Variants in NEXMIF observed in about 807,000 individuals in gnomAD.
NEXMIF encodes the protein XLMR protein related to neurite extension.
Under a neutral mutation model 62.1 loss-of-function variants are expected in NEXMIF, and 8 were observed. The observed-to-expected ratio is 0.13, with a 90% CI of 0.08 to 0.23. The LOEUF (loss-of-function observed/expected upper bound fraction) is 0.23. Among genes scored for constraint, NEXMIF ranks in the 10% least tolerant of loss-of-function variants. The probability of loss-of-function intolerance (pLI) is 1.00; values close to 1 mark genes in which losing one functional copy is unlikely to be tolerated. For synonymous variants in NEXMIF, 404 were observed against 416.6 expected, an observed-to-expected ratio of 0.97 and a Z score of 0.37; for missense variants, 976 against 1,113.3, an observed-to-expected ratio of 0.88 and a Z score of 1.75.
chrX:74,805,343 C>A lies in NEXMIF; in HGVS notation c.-47-59646G>T, dbSNP rs184003947. On this transcript the variant is annotated intron_variant, in intron 1 of 3. Coordinates refer to ENST00000055682, the MANE Select transcript of NEXMIF (RefSeq NM_001008537.3). ...GCTATCTTGCTCCACCCCTCCCTTG[C>A]CCACTTTTTAATGGGTTATTTGCTT... 3.2e-3 allele frequency among the ~76,000 whole-genome samples: 354 copies of A among 111,600 alleles called. 2 individuals carry two copies. The highest frequency in any genetic ancestry group is 0.011 in the African/African-American group (337 of 30,714).
intron 1 of NEXMIF, among the ~76,000 whole-genome samples, chrX:74,872,076 C>T (rs1044291266): frequency 1.8e-5 from 2 of 111,494 alleles, no homozygotes; most frequent in African/African-American, 6.5e-5. Flanking sequence ...GCAGTAAAGA[C>T]AGGCCTAAGA....
At chrX:74,763,029 A>G (rs1202889473) in intron 1 of NEXMIF, among the ~76,000 whole-genome samples, 9 of 111,739 alleles carry the variant, frequency 8.1e-5, no homozygotes, top group Non-Finnish European at 1.1e-4. Context: ...TTTTAGACAT[A>G]AAGTCCTTGC....
At chrX:74,755,562 A>C (rs1305782510) in intron 1 of NEXMIF, among the ~76,000 whole-genome samples, 1 of 111,582 alleles carries the variant, frequency 9.0e-6, no homozygotes, top group Non-Finnish European at 1.9e-5. Flanking sequence ...CTTGGGCCCT[A>C]CAGGAAAAAT....
rs2080082365 is a variant in NEXMIF, at chrX:74,735,316, C to A, written c.*4089G>T. The A allele has an allele frequency of 8.9e-6, 1 of 111,908 alleles. No individual in the cohort carries two copies. Among genetic ancestry groups the A allele is most frequent in the African/African-American group, 3.2e-5 (1 of 30,776 alleles). 9.2% of individuals were successfully genotyped at this position (111,908 alleles called of 1,213,427 possible). ...ACTTAGCTCTCTTCAATTCTTGGAACTGTTCTGAGAGCATCTGTAAGCTGA... is the reference window on the plus strand; with the variant it reads ...ACTTAGCTCTCTTCAATTCTTGGAAATGTTCTGAGAGCATCTGTAAGCTGA... On this transcript the variant is annotated 3_prime_UTR_variant, in exon 4 of 4. Transcript: ENST00000055682.
intron 1 of NEXMIF, among the ~76,000 whole-genome samples, chrX:74,872,949 T>C (rs2080609115): frequency 9.0e-6 from 1 of 110,526 alleles, no homozygotes; most frequent in African/African-American, 3.3e-5. Flanking sequence ...TTTTTTTAGT[T>C]TTTATTTTTT....
At chrX:74,894,084 G>C (rs113987614) in intron 1 of NEXMIF, among the ~76,000 whole-genome samples, 8,972 of 110,015 alleles carry the variant, frequency 0.082, 931 homozygotes, top group African/African-American at 0.28. Context: ...TTGAGTCCAG[G>C]AGTTCAAGAC....
Position 74,765,577 on chromosome X carries a change from C to T in NEXMIF, c.-47-19880G>A, listed in dbSNP as rs1051005251. The stretch of plus-strand genomic sequence containing the variant: ...TTGGCTGGTAGCAGCCTTTCCTTTC[C>T]ATATTTAGTGCTCCTTTCAAGATCT... On this transcript the variant is annotated intron_variant, in intron 1 of 3. Coordinates refer to ENST00000055682, the MANE Select transcript of NEXMIF (RefSeq NM_001008537.3). Among the ~76,000 whole-genome samples the T allele has an allele frequency of 2.7e-5, 3 of 111,402 alleles. No individual in the cohort carries two copies. The South Asian group carries it at 1.1e-3, about 42-fold the overall frequency.
chrX:74,796,146 TA>T (rs1266175324), intron 1 of NEXMIF, among the ~76,000 whole-genome samples: 2 of 75,582 alleles, frequency 2.6e-5, no homozygotes, highest in African/African-American at 1.0e-4. Context: ...ATATATATTA[TA>T]TATATACATA....
chrX:74,884,715 C>G (rs1052765397), intron 1 of NEXMIF, among the ~76,000 whole-genome samples: 2 of 111,688 alleles, frequency 1.8e-5, no homozygotes, highest in Non-Finnish European at 3.8e-5. Context: ...TAACACCCCA[C>G]TGTCAACATT....
At chrX:74,909,898 G>T (rs1326186507) in intron 1 of NEXMIF, among the ~76,000 whole-genome samples, 1 of 112,515 alleles carries the variant, frequency 8.9e-6, no homozygotes, top group Non-Finnish European at 1.9e-5. Context: ...CTTCCACGTG[G>T]TGTTGAGCCT....
At chrX:74,787,503 C>T (rs1226529332) in intron 1 of NEXMIF, among the ~76,000 whole-genome samples, 1 of 111,276 alleles carries the variant, frequency 9.0e-6, no homozygotes, top group Non-Finnish European at 1.9e-5. Flanking sequence ...CACCTCAGGT[C>T]ATATCCTATG....
chrX:74,848,475 G>A (rs1161036503), intron 1 of NEXMIF, among the ~76,000 whole-genome samples: 1 of 112,525 alleles, frequency 8.9e-6, no homozygotes, highest in Non-Finnish European at 1.9e-5. Context: ...CAAAGTGTCA[G>A]TAGGTCTGTA....
intron 1 of NEXMIF, among the ~76,000 whole-genome samples, chrX:74,758,531 G>A (rs1028096109): frequency 1.8e-5 from 2 of 111,132 alleles, no homozygotes; most frequent in African/African-American, 6.6e-5. Flanking sequence ...GTACTTAATC[G>A]TTACTTTTTC....
At position 74,761,112 on chromosome X, in the gene NEXMIF, C is replaced by A. The variant is rs553051401; in HGVS notation, c.-47-15415G>T. On this transcript the variant is annotated intron_variant, in intron 1 of 3. Coordinates refer to ENST00000055682, the MANE Select transcript of NEXMIF (RefSeq NM_001008537.3). ...CGTGAGCTCCTGACCTCAAGTGATC[C>A]GCCCGCCTCGGCCTCCCAAAGTGCT... 2.0e-4 allele frequency among the ~76,000 whole-genome samples: 22 copies of A among 110,117 alleles called. 1 individual carries two copies. In the South Asian group the frequency reaches 8.5e-3, roughly 42 times the overall value.
intron 1 of NEXMIF, among the ~76,000 whole-genome samples, chrX:74,870,189 T>C (rs2080595321): frequency 9.0e-6 from 1 of 111,628 alleles, no homozygotes; most frequent in African/African-American, 3.3e-5. Context: ...TGAACTCATT[T>C]TTGACAAAGG....
chrX:74,819,258 C>G (rs1290607174), intron 1 of NEXMIF, among the ~76,000 whole-genome samples: 1 of 111,902 alleles, frequency 8.9e-6, no homozygotes, highest in Non-Finnish European at 1.9e-5. Flanking sequence ...CAATACCATT[C>G]AGGACATAGG....
At chrX:74,759,333 A>G (rs781067222) in intron 1 of NEXMIF, among the ~76,000 whole-genome samples, 1 of 112,282 alleles carries the variant, frequency 8.9e-6, no homozygotes, top group Non-Finnish European at 1.9e-5. Flanking sequence ...CCCATTCTGT[A>G]GCTTGTCTGT....
At chrX:74,863,453 C>T (rs1235682084) in intron 1 of NEXMIF, among the ~76,000 whole-genome samples, 3 of 111,579 alleles carry the variant, frequency 2.7e-5, no homozygotes, top group Admixed American at 1.9e-4. Context: ...ACTGACTCCA[C>T]AGAAATACAA....
intron 1 of NEXMIF, among the ~76,000 whole-genome samples, chrX:74,788,733 G>T (rs1039233651): frequency 1.8e-5 from 2 of 110,961 alleles, no homozygotes; most frequent in African/African-American, 3.3e-5. Context: ...CAGTATAAAG[G>T]TACATGCCAG....
Sources: allele counts gnomAD v4.1 joint callset (sites outside exome capture counted in the v4.1 genomes callset), GRCh38; gene constraint gnomAD v4.1.1; transcripts MANE v1.5; gene names NCBI Gene and HGNC (gene_info 2026-07-23, HGNC 2026-07-21).